RALYL: variants seen among roughly 807,000 people sequenced by gnomAD.
The protein encoded by RALYL is RNA-binding Raly-like protein.
A neutral mutation model predicts 35.1 loss-of-function variants in RALYL; 29 were observed. The ratio of observed to expected loss-of-function variants is 0.83; its 90% confidence interval spans 0.61 to 1.13. The LOEUF is 1.13. Among genes scored for constraint, RALYL ranks in the 50% most tolerant of loss-of-function variants. The pLI, the probability that RALYL is intolerant of heterozygous loss-of-function variation, is 0.00. For missense variants in RALYL, 359 were observed against 360.4 expected (o/e 1.00, Z 0.03); for synonymous variants, 120 against 127.6 (o/e 0.94, Z 0.40).
At chr8:84,411,357 G>C (rs1052227770) in intron 1 of RALYL, among the ~76,000 whole-genome samples, 1 of 151,762 alleles carries the variant, frequency 6.6e-6, no homozygotes, top group African/African-American at 2.4e-5. Context: ...TCATTTTCTA[G>C]TGACTCCATT....
chr8:84,448,399 C>T (rs1478206106), intron 1 of RALYL, among the ~76,000 whole-genome samples: 2 of 152,016 alleles, frequency 1.3e-5, no homozygotes, highest in Admixed American at 6.6e-5. Flanking sequence ...TGGACAATTT[C>T]AATTTGATAA....
chr8:84,839,931 C>A (rs1832849310), intron 4 of RALYL, among the ~76,000 whole-genome samples: 1 of 152,162 alleles, frequency 6.6e-6, no homozygotes, highest in African/African-American at 2.4e-5. Flanking sequence ...GGAAAACTAA[C>A]AAACAGAAAG....
intron 1 of RALYL, among the ~76,000 whole-genome samples, chr8:84,447,021 G>C (rs1164149939): frequency 6.6e-6 from 1 of 152,060 alleles, no homozygotes; most frequent in African/African-American, 2.4e-5. Context: ...AATTTCAAAA[G>C]CTTAAAATGC....
chr8:84,366,060 C>G (rs548682891), intron 1 of RALYL, among the ~76,000 whole-genome samples: 1 of 152,290 alleles, frequency 6.6e-6, no homozygotes, highest in South Asian at 2.1e-4. Context: ...ATGATATCAT[C>G]CAGTTGTTTA....
At chr8:84,578,921 C>T (rs1730826) in intron 2 of RALYL, among the ~76,000 whole-genome samples, 31,584 of 152,132 alleles carry the variant, frequency 0.21, 3,394 homozygotes, top group Non-Finnish European at 0.23. Context: ...TACATTCTCA[C>T]TCTGGGCCAC....
chr8:84,525,243 T>A (rs894977084), intron 1 of RALYL, among the ~76,000 whole-genome samples: 2 of 152,100 alleles, frequency 1.3e-5, no homozygotes, highest in Non-Finnish European at 2.9e-5. Context: ...ATAGACACTT[T>A]ACATGAGCTC....
At chr8:84,373,678 A>G (rs1586686522) in intron 1 of RALYL, among the ~76,000 whole-genome samples, 1 of 151,902 alleles carries the variant, frequency 6.6e-6, no homozygotes, top group Non-Finnish European at 1.5e-5. Context: ...TCCTTTTTGC[A>G]TAGGATTGCC....
At position 84,900,978 on chromosome 8, in the gene RALYL, G is replaced by A. The variant is rs189868124; in HGVS notation, c.858+13202G>A. On this transcript the variant is annotated intron_variant, in intron 8 of 8. Coordinates refer to ENST00000521268, the MANE Select transcript of RALYL (RefSeq NM_173848.7). ...TACTGGAGGATGGTAGAGGAAGGTG[G>A]GTCAGTGTAATTAGGCCATCTGTGT... Among the ~76,000 whole-genome samples, 455 of 152,190 alleles carry A rather than the reference G, an allele frequency of 3.0e-3. 1 individual carries two copies. The highest frequency in any genetic ancestry group is 6.1e-3 in the Admixed American group (94 of 15,288).
intron 1 of RALYL, among the ~76,000 whole-genome samples, chr8:84,424,561 T>G (rs1161872168): frequency 6.6e-6 from 1 of 151,270 alleles, no homozygotes; most frequent in Non-Finnish European, 1.5e-5. Context: ...GTCAAAGTCA[T>G]TCTCCATCCA....
intron 5 of RALYL, among the ~76,000 whole-genome samples, chr8:84,850,966 TC>T (rs1171905515): frequency 2.0e-5 from 3 of 152,194 alleles, no homozygotes; most frequent in African/African-American, 7.2e-5. Flanking sequence ...TTCCTCTGAC[TC>T]CATACCTAGA....
intron 1 of RALYL, among the ~76,000 whole-genome samples, chr8:84,460,098 A>G (rs1470427679): frequency 6.6e-6 from 1 of 151,822 alleles, no homozygotes; most frequent in African/African-American, 2.4e-5. Flanking sequence ...AAGTATACAA[A>G]TATACCTGGA....
intron 2 of RALYL, among the ~76,000 whole-genome samples, chr8:84,550,197 G>GTCTC (rs138037136): frequency 1.3e-5 from 2 of 148,976 alleles, no homozygotes; most frequent in African/African-American, 2.5e-5. Flanking sequence ...GTTAATCTGG[G>GTCTC]TCTCTCTCTC....
chr8:84,522,129 T>G (rs991015085), intron 1 of RALYL, among the ~76,000 whole-genome samples: 2 of 152,146 alleles, frequency 1.3e-5, no homozygotes, highest in African/African-American at 2.4e-5. Flanking sequence ...TTTTTATTTA[T>G]AAAATCTCTT....
chr8:84,853,984 T>C (rs1836421499), intron 5 of RALYL, among the ~76,000 whole-genome samples: 1 of 152,158 alleles, frequency 6.6e-6, no homozygotes, highest in African/African-American at 2.4e-5. Context: ...AACATAATGA[T>C]CAGCATTATG....
intron 1 of RALYL, among the ~76,000 whole-genome samples, chr8:84,297,703 C>T (rs1037836746): frequency 1.3e-5 from 2 of 152,100 alleles, no homozygotes; most frequent in African/African-American, 4.8e-5. Flanking sequence ...TGCAGCCTTG[C>T]CAGCATCTTT....
intron 2 of RALYL, among the ~76,000 whole-genome samples, chr8:84,592,036 C>T (rs1164905143): frequency 6.6e-6 from 1 of 152,100 alleles, no homozygotes; most frequent in African/African-American, 2.4e-5. Flanking sequence ...ATGTGCCCCA[C>T]ACATGAGCAG....
chr8:84,542,457 G>A (rs1456085673), intron 2 of RALYL, among the ~76,000 whole-genome samples: 3 of 152,006 alleles, frequency 2.0e-5, no homozygotes, highest in Non-Finnish European at 4.4e-5. Flanking sequence ...ATCTTGAATT[G>A]TAGTTCTCAT....
chr8:84,856,911 C>T (rs1377028364), intron 5 of RALYL, among the ~76,000 whole-genome samples: 2 of 151,040 alleles, frequency 1.3e-5, no homozygotes, highest in African/African-American at 4.9e-5. Flanking sequence ...GCCTGTAGTC[C>T]CAGCTACTCG....
At chr8:84,844,525 T>C (rs1834176255) in intron 4 of RALYL, among the ~76,000 whole-genome samples, 1 of 152,230 alleles carries the variant, frequency 6.6e-6, no homozygotes, top group Admixed American at 6.5e-5. Context: ...TCAGTGGGAC[T>C]GTAAACTAGT....
Sources: gnomAD v4.1 joint callset for allele counts (sites outside exome capture counted in the v4.1 genomes callset) on GRCh38, gnomAD v4.1.1 for gene constraint, MANE v1.5 for transcripts, NCBI Gene and HGNC (gene_info 2026-07-23, HGNC 2026-07-21) for gene names.